PCDHGB3: variants seen among roughly 807,000 people sequenced by gnomAD.
The protein encoded by PCDHGB3 is protocadherin gamma subfamily B, 3.
A neutral mutation model predicts 59.2 loss-of-function variants in PCDHGB3; 40 were observed. That is an observed-to-expected ratio of 0.68 (90% CI 0.52 to 0.88). PCDHGB3 has a LOEUF of 0.88. Ranked by LOEUF, PCDHGB3 falls within the 40% of genes least tolerant of loss-of-function variation. The pLI is 0.00. For missense variants in PCDHGB3, 1,309 were observed against 1,187.9 expected (o/e 1.10, Z -1.50); for synonymous variants, 581 against 503.6 (o/e 1.15, Z -2.06).
At position 141,511,411 on chromosome 5, in the gene PCDHGB3, A is replaced by G; in HGVS notation, c.*238A>G. On this transcript the variant is annotated 3_prime_UTR_variant, in exon 4 of 4. Coordinates refer to ENST00000576222, the MANE Select transcript of PCDHGB3 (RefSeq NM_018924.5). ...GAACCCCCATCCAATCAACTGCTGT[A>G]CCCATGGGGGTAGTGGGGTTACTGT... The G allele has an allele frequency of 1.1e-6, 1 of 901,334 alleles. No homozygotes were observed. Among genetic ancestry groups the G allele is most frequent in the Non-Finnish European group, 1.6e-6 (1 of 617,750 alleles). The allele number at this position is 901,334 out of a possible 1,614,324, so 55.8% of individuals were successfully genotyped here. A position where few individuals can be genotyped will look rare whatever the true frequency, so the allele number is the denominator to read the frequency against.
Position 141,486,226 on chromosome 5 carries a change from A to G in PCDHGB3, c.2416-8581A>G, listed in dbSNP as rs889500362. 5.0e-6 allele frequency: 8 copies of G among 1,614,012 alleles called. No individual in the cohort carries two copies. The highest frequency in any genetic ancestry group is 6.8e-6 in the Non-Finnish European group (8 of 1,180,018). On this transcript the variant is annotated intron_variant, in intron 1 of 3. Transcript: ENST00000576222. This position sits in a 1 kb window ranked among gnomAD's most constrained non-coding sequence, Gnocchi z 5.0. ...TAAATGACAATGCCCCTTACATCACAGTGACCTCAGAGCTTGGAACCCTCC... is the reference window on the plus strand; with the variant it reads ...TAAATGACAATGCCCCTTACATCACGGTGACCTCAGAGCTTGGAACCCTCC...
At position 141,485,225 on chromosome 5, in the gene PCDHGB3, T is replaced by C; in HGVS notation, c.2416-9582T>C. The C allele has an allele frequency of 1.2e-6, 2 of 1,614,156 alleles. No homozygotes were observed. Among genetic ancestry groups the C allele is most frequent in the Non-Finnish European group, 1.7e-6 (2 of 1,180,010 alleles). On this transcript the variant is annotated intron_variant, in intron 1 of 3. Coordinates refer to ENST00000576222, the MANE Select transcript of PCDHGB3 (RefSeq NM_018924.5). The surrounding 1 kb of genome is among the most constrained non-coding windows in gnomAD (Gnocchi z 5.7). Reference sequence around the variant, plus strand: ...AGAAATCTGGCGGTGGGCTACCCTTTTGTTCCTCTTTTACCACCTGGGTTA... The same window carrying C: ...AGAAATCTGGCGGTGGGCTACCCTTCTGTTCCTCTTTTACCACCTGGGTTA...
At chr5:141,394,034 G>T in intron 1 of PCDHGB3, 1 of 1,613,540 alleles carries the variant, frequency 6.2e-7, no homozygotes, top group Non-Finnish European at 8.5e-7. Flanking sequence ...TAGTGACAAG[G>T]AAATATTTGG....
intron 1 of PCDHGB3, chr5:141,376,204 C>T (rs185484474): frequency 1.7e-5 from 28 of 1,614,080 alleles, no homozygotes; most frequent in Admixed American, 1.3e-4. Context: ...TCCTGGCCTT[C>T]GTCATCGTGC....
intron 1 of PCDHGB3, among the ~76,000 whole-genome samples, chr5:141,482,144 G>C (rs564178008): frequency 1.3e-4 from 20 of 151,858 alleles, no homozygotes; most frequent in Admixed American, 9.8e-4. Flanking sequence ...GGCATAAAAA[G>C]GTCAAGTCAA....
chr5:141,485,663 A>G lies in PCDHGB3; in HGVS notation c.2416-9144A>G, dbSNP rs1594506698. ...AAAGGCTCAGGATGCAGATGTGGGG[A>G]GCAATTCGATTAGCAGCTATAGGCT... On this transcript the variant is annotated intron_variant, in intron 1 of 3. Transcript: ENST00000576222. The surrounding 1 kb of genome is among the most constrained non-coding windows in gnomAD (Gnocchi z 5.7). The G allele has an allele frequency of 1.2e-6, 2 of 1,612,638 alleles. No homozygotes were observed. Among genetic ancestry groups the G allele is most frequent in the East Asian group, 4.5e-5 (2 of 44,840 alleles).
At chr5:141,429,387 T>A (rs372199649) in intron 1 of PCDHGB3, among the ~76,000 whole-genome samples, 4,783 of 151,430 alleles carry the variant, frequency 0.032, 106 homozygotes, top group African/African-American at 0.043. Context: ...GTTTTTTTTT[T>A]AAAAAAAATT....
At chr5:141,376,404 A>C in intron 1 of PCDHGB3, 1 of 1,614,178 alleles carries the variant, frequency 6.2e-7, no homozygotes, top group Non-Finnish European at 8.5e-7. Flanking sequence ...CCCCAGCCCA[A>C]CTATGCCGAC....
chr5:141,393,373 A>G lies in PCDHGB3; in HGVS notation c.2415+20564A>G, dbSNP rs1364997808. 1 of 1,613,956 alleles carries G rather than the reference A, an allele frequency of 6.2e-7. No homozygotes were observed. The highest frequency in any genetic ancestry group is 1.3e-5 in the African/African-American group (1 of 75,054). On this transcript the variant is annotated intron_variant, in intron 1 of 3. Transcript: ENST00000576222. ...TCCCTGGACGTGCAGACTGGAGACA[A>G]TGGAGCCATAAACCCAGAGCTGGTG...
At chr5:141,439,473 G>T (rs1414737627) in intron 1 of PCDHGB3, among the ~76,000 whole-genome samples, 2 of 152,202 alleles carry the variant, frequency 1.3e-5, no homozygotes, top group South Asian at 2.1e-4. Context: ...CTGCCTTTCA[G>T]CTTGCAAATT....
intron 1 of PCDHGB3, chr5:141,394,466 C>T (rs765078363): frequency 1.2e-6 from 2 of 1,614,222 alleles, no homozygotes; most frequent in Non-Finnish European, 8.5e-7. Flanking sequence ...TGAGCCTGTT[C>T]GTGCTGGACC....
At chr5:141,397,614 A>ACTAGAACT (rs2150713337) in intron 1 of PCDHGB3, among the ~76,000 whole-genome samples, 1 of 152,358 alleles carries the variant, frequency 6.6e-6, no homozygotes, top group African/African-American at 2.4e-5. Context: ...CAAGGGCAAT[A>ACTAGAACT]CTTAGTTCTA....
rs370264318 is a variant in PCDHGB3, at chr5:141,403,767, G to C, written c.2415+30958G>C. 1.0e-4 allele frequency: 169 copies of C among 1,613,880 alleles called. No homozygotes were observed. In the East Asian group the frequency reaches 1.6e-3, roughly 16 times the overall value. Reference sequence around the variant, plus strand: ...GCAACAGCCAGCGACCTGGATGAGGGAATCAACGGAAAAGTGGCATACAAA... The same window carrying C: ...GCAACAGCCAGCGACCTGGATGAGGCAATCAACGGAAAAGTGGCATACAAA... On this transcript the variant is annotated intron_variant, in intron 1 of 3. Coordinates refer to ENST00000576222, the MANE Select transcript of PCDHGB3 (RefSeq NM_018924.5).
At chr5:141,499,397 T>A (rs1171838687) in intron 2 of PCDHGB3, among the ~76,000 whole-genome samples, 2 of 152,122 alleles carry the variant, frequency 1.3e-5, no homozygotes, top group African/African-American at 4.8e-5. Flanking sequence ...AAATAGTACA[T>A]GCTCATTATA....
chr5:141,383,570 G>A, intron 1 of PCDHGB3: 1 of 1,613,234 alleles, frequency 6.2e-7, no homozygotes, highest in Non-Finnish European at 8.5e-7. Flanking sequence ...CCCCGATCCA[G>A]CACCGCCCAC....
Position 141,371,970 on chromosome 5 carries a change from C to A in PCDHGB3, c.1576C>A (p.Arg526Ser). ...GCGAGCCTTCGACCACGAGCAGCTG[C>A]GTGCCTTCGAGCTCACTCTGCAGGC... ...AQRAFDHEQL[R>S]AFELTLQARD... is the part of the protein sequence containing the mutation. The change falls in exon 1 of 4, where the codon CGT (arginine) becomes AGT (serine). Residue 526 changes from arginine (R) to serine (S), a missense_variant. By Grantham distance (110) the Arg-to-Ser change is moderately radical (BLOSUM62 -1). Coordinates refer to ENST00000576222, the MANE Select transcript of PCDHGB3 (RefSeq NM_018924.5). 6.2e-7 allele frequency: 1 copy of A among 1,613,250 alleles called. No homozygotes were observed. The highest frequency in any genetic ancestry group is 8.5e-7 in the Non-Finnish European group (1 of 1,179,806).
rs746088761 is a variant in PCDHGB3 at position 141,404,246 on chromosome 5, CT to C, written c.2415+31438del. 9.3e-6 allele frequency: 15 copies of C among 1,613,922 alleles called. 1 individual carries two copies. The highest frequency in any genetic ancestry group is 5.0e-5 in the Admixed American group (3 of 60,012). Reference sequence around the variant, plus strand: ...TGCAACAGACAGAGGAACTCCGCCCCTGTCCACAGAAATTCACATCACCCTG... The same window carrying C: ...TGCAACAGACAGAGGAACTCCGCCCCGTCCACAGAAATTCACATCACCCTG... On this transcript the variant is annotated intron_variant, in intron 1 of 3. Coordinates refer to ENST00000576222, the MANE Select transcript of PCDHGB3 (RefSeq NM_018924.5).
At chr5:141,501,510 T>G (rs11744379) in intron 2 of PCDHGB3, among the ~76,000 whole-genome samples, 29,206 of 151,772 alleles carry the variant, frequency 0.19, 2,837 homozygotes, top group Middle Eastern at 0.24. Context: ...CTCCAAGGCC[T>G]CCAAGCTGAA....
intron 1 of PCDHGB3, among the ~76,000 whole-genome samples, chr5:141,475,518 T>C (rs963473660): frequency 1.3e-5 from 2 of 152,356 alleles, no homozygotes; most frequent in East Asian, 1.9e-4. Flanking sequence ...TCCACGGAAA[T>C]GCTAAATGCC....
Sources: gnomAD v4.1 joint callset for allele counts (sites outside exome capture counted in the v4.1 genomes callset) on GRCh38, gnomAD v4.1.1 for gene constraint, Gnocchi (gnomAD v3.1) non-coding constraint, MANE v1.5 for transcripts, NCBI Gene and HGNC (gene_info 2026-07-23, HGNC 2026-07-21) for gene names.